NRDC: variants seen among roughly 807,000 people sequenced by gnomAD.
NRDC encodes the protein nardilysin convertase.
In NRDC, 54 loss-of-function variants were observed where a neutral mutation model predicts 147.1. The observed-to-expected ratio is 0.37, with a 90% confidence interval of 0.29 to 0.46. The LOEUF (loss-of-function observed/expected upper bound fraction) is 0.46, where lower values mean the gene tolerates loss of function less well. Ranked by LOEUF, NRDC falls within the 20% of genes least tolerant of loss-of-function variation. The probability of loss-of-function intolerance (pLI) is 1.00; values close to 1 mark genes in which losing one functional copy is unlikely to be tolerated. For synonymous variants in NRDC, 440 were observed against 482.1 expected, an observed-to-expected ratio of 0.91 and a Z score of 1.14; for missense variants, 1,082 against 1,370.6, an observed-to-expected ratio of 0.79 and a Z score of 3.33.
At chr1:51,791,012 C>A in intron 27 of NRDC, 22 bp from the exon 28 acceptor site, 2 of 1,545,018 alleles carry the variant, frequency 1.3e-6, no homozygotes, top group Non-Finnish European at 1.8e-6. Flanking sequence ...CATCTTCAAT[C>A]AGAACTAAAA....
At position 51,798,461 on chromosome 1, in the gene NRDC, A is replaced by G. The variant is rs754270699; in HGVS notation, c.2442-50T>C. ...ACTCAAAGTTTTGTTATTAGAAATG[A>G]ATCTTCAGAATAAAGAAATGTTTGG... is the stretch of plus-strand genomic sequence containing the variant. On this transcript the variant is annotated intron_variant, in intron 21 of 30. Coordinates refer to ENST00000352171, the MANE Select transcript of NRDC (RefSeq NM_001101662.2). 6 of 1,443,226 alleles carry G rather than the reference A, an allele frequency of 4.2e-6. No individual in the cohort carries two copies. In the South Asian group the frequency reaches 7.5e-5, roughly 18 times the overall value. 89.4% of individuals were successfully genotyped at this position (1,443,226 alleles called of 1,614,324 possible).
At chr1:51,830,838 G>A (rs1323599394) in intron 4 of NRDC, among the ~76,000 whole-genome samples, 1 of 152,144 alleles carries the variant, frequency 6.6e-6, no homozygotes, top group Admixed American at 6.5e-5. Flanking sequence ...TTCCTCAGCT[G>A]TTTATTTAAA....
At chr1:51,806,965 A>G in intron 17 of NRDC, 52 bp from the exon 18 acceptor site, 1 of 1,590,702 alleles carries the variant, frequency 6.3e-7, no homozygotes, top group Non-Finnish European at 8.5e-7. Flanking sequence ...CAGGAGCCCC[A>G]GTAATCTGTT....
At chr1:51,851,464 T>C (rs1424825722) in intron 1 of NRDC, among the ~76,000 whole-genome samples, 1 of 151,994 alleles carries the variant, frequency 6.6e-6, no homozygotes, top group Non-Finnish European at 1.5e-5. Flanking sequence ...TTGTTTCATT[T>C]GAGAAACACA....
At chr1:51,798,682 G>T (rs1679046664) in intron 21 of NRDC, 1 of 316,682 alleles carries the variant, frequency 3.2e-6, no homozygotes, top group South Asian at 5.5e-5. Flanking sequence ...AAGTAAAGCT[G>T]CCAGATGAGT....
intron 22 of NRDC, among the ~76,000 whole-genome samples, chr1:51,796,172 T>C (rs1053992113): frequency 6.6e-6 from 1 of 152,050 alleles, no homozygotes; most frequent in Non-Finnish European, 1.5e-5. Context: ...TAAGCCACCA[T>C]GTCCAGCCTT....
At chr1:51,792,020 C>T in intron 26 of NRDC, 26 bp downstream of exon 26, 1 of 1,613,352 alleles carries the variant, frequency 6.2e-7, no homozygotes, top group Non-Finnish European at 8.5e-7. Context: ...CTTATTTGAG[C>T]TCAGTGGCCC....
At chr1:51,872,777 T>C (rs1339343806) in intron 1 of NRDC, among the ~76,000 whole-genome samples, 1 of 152,214 alleles carries the variant, frequency 6.6e-6, no homozygotes, top group Non-Finnish European at 1.5e-5. Flanking sequence ...ATTAAAGTTA[T>C]ACTAGTATTC....
intron 1 of NRDC, among the ~76,000 whole-genome samples, chr1:51,853,812 G>A (rs1366875396): frequency 6.6e-6 from 1 of 152,156 alleles, no homozygotes; most frequent in Non-Finnish European, 1.5e-5. Flanking sequence ...TAGAGAACAA[G>A]TCACTTGGTT....
intron 26 of NRDC, 88 bp downstream of exon 26, chr1:51,791,958 G>A: frequency 7.4e-7 from 1 of 1,355,710 alleles, no homozygotes; most frequent in Admixed American, 1.7e-5. Context: ...AGCTCTAACA[G>A]GCTGCTCAGT....
intron 6 of NRDC, among the ~76,000 whole-genome samples, chr1:51,824,156 G>A (rs1341025779): frequency 2.2e-5 from 3 of 135,734 alleles, no homozygotes; most frequent in Non-Finnish European, 3.1e-5. Context: ...ACGGAGTTTC[G>A]CTCTTGTCGC....
intron 29 of NRDC, 83 bp from the exon 30 acceptor site, chr1:51,789,740 C>T: frequency 6.3e-6 from 6 of 953,852 alleles, no homozygotes; most frequent in Non-Finnish European, 1.0e-5. Flanking sequence ...TGTCCCTGGA[C>T]CTGCTTAGCA....
In NRDC at chr1:51,834,086, G is replaced by A. The variant is rs1680834826; in HGVS notation, c.797C>T (p.Ser266Leu). The A allele has an allele frequency of 6.2e-7, 1 of 1,614,056 alleles. No homozygotes were observed. Among genetic ancestry groups the A allele is most frequent in the Non-Finnish European group, 8.5e-7 (1 of 1,179,984 alleles). ...LKKHGGSDNA[S>L]TDCERTVFQF... ...AAAGACAGTGCGTTCACAATCAGTTGAGGCATTATCACTACCCCCATGCTT... is the reference window on the plus strand; with the variant it reads ...AAAGACAGTGCGTTCACAATCAGTTAAGGCATTATCACTACCCCCATGCTT... Residue 266 changes from serine to leucine, a missense_variant, in exon 4 of 31, where the codon TCA (serine) becomes TTA (leucine). Physicochemically the swap from Ser to Leu is moderately radical, Grantham distance 145. Transcript: ENST00000352171.
At chr1:51,819,682 C>T in intron 9 of NRDC, 118 bp downstream of exon 9, 2 of 773,958 alleles carry the variant, frequency 2.6e-6, no homozygotes, top group South Asian at 1.8e-5. Flanking sequence ...ACTTCCTTTC[C>T]AACCCAGCTG....
At chr1:51,847,640 CA>C (rs1681718214) in intron 1 of NRDC, among the ~76,000 whole-genome samples, 2 of 152,236 alleles carry the variant, frequency 1.3e-5, no homozygotes, top group African/African-American at 2.4e-5. Flanking sequence ...CCCTCACTGC[CA>C]GGGGCCAGCG....
At chr1:51,809,547 C>A in intron 16 of NRDC, 146 bp from the exon 17 acceptor site, 1 of 677,214 alleles carries the variant, frequency 1.5e-6, no homozygotes. Flanking sequence ...ATTCTAGAAT[C>A]GTGCTACTCA....
At chr1:51,839,850 C>T (rs185055934) in intron 2 of NRDC, 7 of 159,986 alleles carry the variant, frequency 4.4e-5, no homozygotes, top group African/African-American at 1.7e-4. Context: ...CCAAGGATAA[C>T]ATACTCTTAT....
chr1:51,821,369 T>G (rs1680200558), intron 8 of NRDC, 129 bp downstream of exon 8: 2 of 553,614 alleles, frequency 3.6e-6, no homozygotes, highest in Non-Finnish European at 6.4e-6. Flanking sequence ...TTGACAGTCA[T>G]TAAGTTTGTT....
chr1:51,825,572 G>C (rs893074838), intron 5 of NRDC, among the ~76,000 whole-genome samples, 190 bp from the exon 6 acceptor site: 1 of 152,130 alleles, frequency 6.6e-6, no homozygotes, highest in Admixed American at 6.5e-5. Context: ...CTGTAATTTT[G>C]GGTAAATCAA....
Sources: gnomAD v4.1 joint callset for allele counts (sites outside exome capture counted in the v4.1 genomes callset) on GRCh38, gnomAD v4.1.1 for gene constraint, MANE v1.5 for transcripts, NCBI Gene and HGNC (gene_info 2026-07-23, HGNC 2026-07-21) for gene names.